The following HNRNPH1 variants were observed in gnomAD, a reference collection of about 807,000 sequenced individuals.
HNRNPH1 encodes the protein heterogeneous nuclear ribonucleoprotein H1.
Under a neutral mutation model 58.6 loss-of-function variants are expected in HNRNPH1, and 4 were observed. That is an observed-to-expected ratio of 0.07 (90% CI 0.03 to 0.16). The LOEUF (loss-of-function observed/expected upper bound fraction) is 0.16, where lower values mean the gene tolerates loss of function less well. Among genes scored for constraint, HNRNPH1 ranks in the 10% least tolerant of loss-of-function variants. The pLI is 1.00. For missense variants in HNRNPH1, 271 were observed against 564.2 expected (o/e 0.48, Z 5.26); for synonymous variants, 192 against 189.2 (o/e 1.01, Z -0.12).
chr5:179,623,031 A>C lies in HNRNPH1; in HGVS notation c.97+6T>G. The C allele has an allele frequency of 2.0e-6, 3 of 1,521,194 alleles. No homozygotes were observed. The highest frequency in any genetic ancestry group is 2.7e-6 in the Non-Finnish European group (3 of 1,120,666). The allele number at this position is 1,521,194 out of a possible 1,614,324, so 94.2% of individuals were successfully genotyped here. A position where few individuals can be genotyped will look rare whatever the true frequency, so the allele number is the denominator to read the frequency against. Reference sequence around the variant, plus strand: ...CTCGAACTCCCGCGTCCTAGTTCTAACTCACCAGAAAAAAACCTCTGCACT... The same window carrying C: ...CTCGAACTCCCGCGTCCTAGTTCTACCTCACCAGAAAAAAACCTCTGCACT... On this transcript the variant is annotated splice_donor_region_variant and intron_variant, in intron 1 of 12. Coordinates refer to ENST00000356731, the Ensembl canonical transcript of HNRNPH1.
chr5:179,628,388 C>G (rs1156811430), upstream of HNRNPH1, among the ~76,000 whole-genome samples: 1 of 152,118 alleles, frequency 6.6e-6, no homozygotes, highest in Non-Finnish European at 1.5e-5. Context: ...GAGTCTTGCT[C>G]TGTCACCCAG....
chr5:179,633,926 A>ATAAAATAAAATAAAATAAAT (rs1351338542), intron 2 of HNRNPH1: 1 of 151,750 alleles, frequency 6.6e-6, no homozygotes, highest in Non-Finnish European at 1.5e-5. Context: ...TCTAAAATAA[A>ATAAAATAAAATAAAATAAAT]TAAAATAAAA....
At chr5:179,618,470 G>A in intron 4 of HNRNPH1, 147 bp from the exon 6 acceptor site, 2 of 538,388 alleles carry the variant, frequency 3.7e-6, no homozygotes, top group Non-Finnish European at 6.4e-6. Flanking sequence ...TATTTGCATA[G>A]GCAATGACCA....
chr5:179,626,711 G>A (rs1774429268), upstream of HNRNPH1, among the ~76,000 whole-genome samples: 3 of 140,162 alleles, frequency 2.1e-5, no homozygotes, highest in South Asian at 6.9e-4. Context: ...GCAGGACTCT[G>A]TCTTTAAAAA....
chr5:179,627,598 T>C (rs1477838918), upstream of HNRNPH1, among the ~76,000 whole-genome samples: 1 of 151,082 alleles, frequency 6.6e-6, no homozygotes, highest in Non-Finnish European at 1.5e-5. Context: ...ACCTCCCGGG[T>C]TCAAGCAATT....
intron 11 of HNRNPH1, 81 bp from the exon 13 acceptor site, chr5:179,615,676 C>T (rs538029753): frequency 2.7e-6 from 2 of 730,444 alleles, no homozygotes; most frequent in African/African-American, 1.8e-5. Flanking sequence ...TAAATAAAAC[C>T]AATCCTAGGT....
intron 5 of HNRNPH1, 32 bp downstream of exon 6, chr5:179,618,113 C>CG (rs1562249908): frequency 6.2e-7 from 1 of 1,613,378 alleles, no homozygotes. Flanking sequence ...AAGGAACAGA[C>CG]GACTTGCCGA....
rs1489643688 is a variant in HNRNPH1, at chr5:179,632,286, T to C, written c.-32+1779A>G. ...TCCCGCCACCGCACTCCAGCCTGAG[T>C]GACAGAGCGAGACTCCGTCTCAAAA... On this transcript the variant is annotated intron_variant, in intron 2 of 4. Coordinates refer to the HNRNPH1 transcript ENST00000521116. Among the ~76,000 whole-genome samples, 193 of 147,282 alleles carry C rather than the reference T, an allele frequency of 1.3e-3. 1 individual carries two copies. Among genetic ancestry groups the C allele is most frequent in the African/African-American group, 4.5e-3 (180 of 39,840 alleles).
upstream of HNRNPH1, among the ~76,000 whole-genome samples, chr5:179,626,974 GGTTTCACCGT>G (rs1447458600): frequency 6.6e-6 from 1 of 151,778 alleles, no homozygotes. Flanking sequence ...CTAGAGACGG[GGTTTCACCGT>G]GTTAGCCAGG....
rs762139490 is a variant in HNRNPH1 at position 179,633,461 on chromosome 5, A to AT, written c.-32+603dup. Among the ~76,000 whole-genome samples, 374 of 102,584 alleles carry AT rather than the reference A, an allele frequency of 3.6e-3. 3 individuals carry two copies. The highest frequency in any genetic ancestry group is 0.012 in the African/African-American group (316 of 25,486). 67.3% of individuals were successfully genotyped at this position (102,584 alleles called of 152,430 possible). ...CAGGCACCCGCCCCACACCCGGCTA[A>AT]TTTTTTTTTTTTTTTTTTTTTTTTG... On this transcript the variant is annotated intron_variant, in intron 2 of 4. Coordinates refer to the HNRNPH1 transcript ENST00000521116.
chr5:179,623,080 C>T, exon 1 of HNRNPH1: 2 of 1,607,904 alleles, frequency 1.2e-6, no homozygotes, highest in Non-Finnish European at 1.7e-6. Context: ...AAGACCAGGG[C>T]AAGCCCCGGA....
chr5:179,623,127 A>T, exon 1 of HNRNPH1: 3 of 1,605,202 alleles, frequency 1.9e-6, no homozygotes, highest in Non-Finnish European at 2.6e-6. Flanking sequence ...TCCGTGCCCA[A>T]CATCATCGTC....
chr5:179,621,871 A>C (rs1164831955), intron 1 of HNRNPH1: 2 of 451,928 alleles, frequency 4.4e-6, no homozygotes, highest in African/African-American at 4.0e-5. Flanking sequence ...TACCAAGCTA[A>C]AATGCTCCAA....
chr5:179,615,695 TAATA>T (rs1168679094), intron 11 of HNRNPH1, 100 bp from the exon 13 acceptor site: 11 of 627,050 alleles, frequency 1.8e-5, no homozygotes, highest in Admixed American at 5.8e-5. Context: ...GTTAACTGAC[TAATA>T]AATACGATCC....
Position 179,616,230 on chromosome 5 carries a change from AG to A in HNRNPH1, c.1208-13del. 2 of 1,604,346 alleles carry A rather than the reference AG, an allele frequency of 1.2e-6. No individual in the cohort carries two copies. The highest frequency in any genetic ancestry group is 1.7e-6 in the Non-Finnish European group (2 of 1,171,122). ...GCTGGACTGGTTTGCTGTTAAGTTA[AG>A]AAAACATTAGAACCTTTTTTCTTAT... is the stretch of plus-strand genomic sequence containing the variant. On this transcript the variant is annotated splice_polypyrimidine_tract_variant and intron_variant, in intron 10 of 12. Coordinates refer to ENST00000356731, the Ensembl canonical transcript of HNRNPH1.
At chr5:179,614,784 G>GGAA in exon 13 of HNRNPH1, 6 of 444,354 alleles carry the variant, frequency 1.4e-5, no homozygotes, top group South Asian at 7.6e-5. Context: ...TTTTCTTAAA[G>GGAA]AAAAAAAAAA....
At chr5:179,618,728 CAATA>C (rs1562260019) in intron 4 of HNRNPH1, 1 of 165,940 alleles carries the variant, frequency 6.0e-6, no homozygotes, top group African/African-American at 2.4e-5. Context: ...TTCCTTTCGC[CAATA>C]AATACCCCAG....
chr5:179,633,884 C>A (rs58828813), intron 2 of HNRNPH1: 12,741 of 151,786 alleles, frequency 0.084, 539 homozygotes, highest in Middle Eastern at 0.12. Flanking sequence ...GCACTCCACA[C>A]TCCAGCCTGG....
rs1399555383 is a variant in HNRNPH1, at chr5:179,622,147, G to A, written c.98-750C>T. 2.0e-5 allele frequency among the ~76,000 whole-genome samples: 3 copies of A among 152,000 alleles called. No homozygotes were observed. In the East Asian group the frequency reaches 5.8e-4, roughly 29 times the overall value. On this transcript the variant is annotated intron_variant, in intron 1 of 12. Transcript: ENST00000356731. ...TATGTACTGCAAAAACACTTCCCTG[G>A]GCTTCAGTGTCTTCAACTGTATAGT... is the stretch of plus-strand genomic sequence containing the variant.
Sources: gnomAD v4.1 joint callset for allele counts (sites outside exome capture counted in the v4.1 genomes callset) on GRCh38, gnomAD v4.1.1 for gene constraint, MANE v1.5 for transcripts, NCBI Gene and HGNC (gene_info 2026-07-23, HGNC 2026-07-21) for gene names.